Variants in SERPINI2 observed in about 807,000 individuals in gnomAD.
SERPINI2 encodes the protein serpin I2.
In SERPINI2, 48 loss-of-function variants were observed where a neutral mutation model predicts 47.3. The ratio of observed to expected loss-of-function variants is 1.02; its 90% CI spans 0.81 to 1.29. The LOEUF (loss-of-function observed/expected upper bound fraction) is 1.29, where lower values mean the gene tolerates loss of function less well. Among genes scored for constraint, SERPINI2 ranks in the 50% most tolerant of loss-of-function variants. The pLI, the probability that SERPINI2 is intolerant of heterozygous loss-of-function variation, is 0.00. For missense variants in SERPINI2, 448 were observed against 456.9 expected, an observed-to-expected ratio of 0.98 and a Z score of 0.18; for synonymous variants, 135 against 149.3, an observed-to-expected ratio of 0.90 and a Z score of 0.70.
chr3:167,468,119 G>T (rs571982226), intron 2 of SERPINI2, among the ~76,000 whole-genome samples: 1 of 152,188 alleles, frequency 6.6e-6, no homozygotes, highest in South Asian at 2.1e-4. Context: ...CTTAATCTTA[G>T]AACTCAATCA....
intron 8 of SERPINI2, among the ~76,000 whole-genome samples, chr3:167,445,270 A>G (rs1211798677): frequency 1.3e-5 from 2 of 152,194 alleles, no homozygotes; most frequent in African/African-American, 2.4e-5. Context: ...AGATTCTGCA[A>G]TTAACTATGT....
At chr3:167,454,606 G>A (rs1009066578) in intron 5 of SERPINI2, among the ~76,000 whole-genome samples, 2 of 152,044 alleles carry the variant, frequency 1.3e-5, no homozygotes, top group Non-Finnish European at 2.9e-5. Context: ...AATAATTTTA[G>A]GATAATGACA....
intron 8 of SERPINI2, among the ~76,000 whole-genome samples, chr3:167,443,548 T>C (rs997125142): frequency 6.6e-6 from 1 of 152,168 alleles, no homozygotes; most frequent in Non-Finnish European, 1.5e-5. Flanking sequence ...AGAATAGATA[T>C]TACATTTAGT....
At chr3:167,464,602 G>C (rs1256995843) in intron 5 of SERPINI2, among the ~76,000 whole-genome samples, 1 of 152,092 alleles carries the variant, frequency 6.6e-6, no homozygotes, top group Non-Finnish European at 1.5e-5. Flanking sequence ...TATAAGTTTG[G>C]GTAGAGTGTG....
At chr3:167,475,036 A>ATGGC (rs1303049340), upstream of SERPINI2, among the ~76,000 whole-genome samples, 1 of 151,784 alleles carries the variant, frequency 6.6e-6, no homozygotes, top group Non-Finnish European at 1.5e-5. Context: ...ATGTCCTAAC[A>ATGGC]TGGCTATAAC....
At chr3:167,464,012 T>G in intron 5 of SERPINI2, among the ~76,000 whole-genome samples, 1 of 133,298 alleles carries the variant, frequency 7.5e-6, no homozygotes, top group Non-Finnish European at 1.5e-5. Context: ...GGAGTGGCTT[T>G]TTTTTTTTTT....
chr3:167,470,550 CTTTTTTTTTTTT>C (rs536884425), intron 2 of SERPINI2, among the ~76,000 whole-genome samples: 11 of 93,046 alleles, frequency 1.2e-4, no homozygotes, highest in South Asian at 3.2e-4. Flanking sequence ...TGAGCAACAA[CTTTTTTTTTTTT>C]TTTTTTTTTT....
At chr3:167,467,426 A>G in intron 2 of SERPINI2, 141 bp from the exon 3 acceptor site, 2 of 586,920 alleles carry the variant, frequency 3.4e-6, no homozygotes, top group Non-Finnish European at 5.9e-6. Context: ...CAAAGTTAGT[A>G]TAAATATTTT....
intron 7 of SERPINI2, among the ~76,000 whole-genome samples, chr3:167,449,001 GATTTTAT>G (rs1749563123): frequency 6.6e-6 from 1 of 152,134 alleles, no homozygotes; most frequent in Admixed American, 6.6e-5. Context: ...AAAAAATAAT[GATTTTAT>G]ATTTGAGCCC....
intron 8 of SERPINI2, among the ~76,000 whole-genome samples, chr3:167,445,903 T>G (rs1360863293): frequency 6.6e-6 from 1 of 152,160 alleles, no homozygotes; most frequent in Non-Finnish European, 1.5e-5. Flanking sequence ...GATTTGAAAT[T>G]ACCTTTGACT....
At chr3:167,465,176 G>T (rs1184039458) in intron 5 of SERPINI2, 30 bp downstream of exon 5, 3 of 1,567,794 alleles carry the variant, frequency 1.9e-6, no homozygotes, top group Non-Finnish European at 2.6e-6. Context: ...GGAAACGTAA[G>T]AACTCGTATA....
chr3:167,458,245 CTTTTTTTT>C (rs949215365), intron 5 of SERPINI2, among the ~76,000 whole-genome samples: 2 of 105,202 alleles, frequency 1.9e-5, no homozygotes, highest in East Asian at 2.7e-4. Flanking sequence ...GAATTTCTTT[CTTTTTTTT>C]TTTTTTTTTT....
Position 167,446,388 on chromosome 3 carries a change from G to T in SERPINI2, c.1141+4C>A, listed in dbSNP as rs754877522. 1.5e-5 allele frequency: 23 copies of T among 1,583,858 alleles called. No individual in the cohort carries two copies. The East Asian group carries it at 4.0e-4, about 28-fold the overall frequency. On this transcript the variant is annotated splice_donor_region_variant and intron_variant, in intron 8 of 8. Coordinates refer to ENST00000264677, the Ensembl canonical transcript of SERPINI2. The stretch of plus-strand genomic sequence containing the variant: ...TTCCCCCAAATAATTCTCAAAAAAG[G>T]TACCTGTTGGATTATGCTTCATAAT...
intron 8 of SERPINI2, among the ~76,000 whole-genome samples, chr3:167,442,803 AGAAT>A (rs1749364672): frequency 1.3e-5 from 2 of 152,238 alleles, no homozygotes; most frequent in African/African-American, 4.8e-5. Flanking sequence ...CAAAACAGAA[AGAAT>A]GATGTACCAA....
chr3:167,457,138 T>C (rs1278995572), intron 5 of SERPINI2, among the ~76,000 whole-genome samples: 1 of 152,232 alleles, frequency 6.6e-6, no homozygotes, highest in Admixed American at 6.5e-5. Flanking sequence ...ACTATGGCTA[T>C]TATTAAGATA....
intron 7 of SERPINI2, among the ~76,000 whole-genome samples, chr3:167,447,960 A>G (rs1223687934): frequency 6.6e-6 from 1 of 152,258 alleles, no homozygotes; most frequent in Non-Finnish European, 1.5e-5. Flanking sequence ...TTAATCAAGA[A>G]ATTAATAAAT....
chr3:167,453,156 T>G, intron 5 of SERPINI2, 123 bp from the exon 6 acceptor site: 1 of 524,094 alleles, frequency 1.9e-6, no homozygotes, highest in East Asian at 3.2e-5. Flanking sequence ...TTATCTCAAT[T>G]ACATTTTCTC....
intron 3 of SERPINI2, among the ~76,000 whole-genome samples, chr3:167,466,261 G>A (rs983206927): frequency 9.2e-5 from 14 of 152,146 alleles, no homozygotes; most frequent in South Asian, 6.2e-4. Context: ...TCCTACAGCT[G>A]TGAACATGGC....
chr3:167,467,836 GC>G (rs1394684055), intron 2 of SERPINI2, among the ~76,000 whole-genome samples: 3 of 152,084 alleles, frequency 2.0e-5, no homozygotes, highest in African/African-American at 7.2e-5. Flanking sequence ...AATCAGAATT[GC>G]CTATTTCTAC....
Sources: allele counts gnomAD v4.1 joint callset (sites outside exome capture counted in the v4.1 genomes callset), GRCh38; gene constraint gnomAD v4.1.1; transcripts MANE v1.5; gene names NCBI Gene and HGNC (gene_info 2026-07-23, HGNC 2026-07-21).